GRM1: variants seen among roughly 807,000 people sequenced by gnomAD.
GRM1 encodes glutamate metabotropic receptor 1.
In GRM1, 33 loss-of-function variants were observed where a neutral mutation model predicts 90.9. The ratio of observed to expected loss-of-function variants is 0.36; its 90% CI spans 0.28 to 0.49. The LOEUF (loss-of-function observed/expected upper bound fraction) is 0.49, where lower values mean the gene tolerates loss of function less well. Ranked by LOEUF, GRM1 falls within the 20% of genes least tolerant of loss-of-function variation. GRM1 has a pLI of 0.99. For missense variants in GRM1, 1,190 were observed against 1,534.3 expected, an observed-to-expected ratio of 0.78 and a Z score of 3.75; for synonymous variants, 700 against 613.2, an observed-to-expected ratio of 1.14 and a Z score of -2.09.
intron 2 of GRM1, among the ~76,000 whole-genome samples, chr6:146,265,906 A>G (rs1265493807): frequency 3.3e-5 from 5 of 152,180 alleles, no homozygotes; most frequent in Admixed American, 6.5e-5. Flanking sequence ...AATACATATT[A>G]GAGGCTGGGA....
Position 146,270,995 on chromosome 6 carries a change from CTTCTTTCT to C in GRM1, c.951-33596_951-33589del, listed in dbSNP as rs58034716. 5.9e-4 allele frequency among the ~76,000 whole-genome samples: 70 copies of C among 118,842 alleles called. 1 individual carries two copies. The highest frequency in any genetic ancestry group is 1.5e-3 in the African/African-American group (48 of 31,426). 78.0% of individuals were successfully genotyped at this position (118,842 alleles called of 152,430 possible). A position where few individuals can be genotyped will look rare whatever the true frequency, so the allele number is the denominator to read the frequency against. On this transcript the variant is annotated intron_variant, in intron 2 of 7. Transcript: ENST00000282753. The stretch of plus-strand genomic sequence containing the variant: ...TTTTTTCTCTCTCTCTCTTTCTTTC[CTTCTTTCT>C]TTCTTTCTTTCTTTCTTTCAAGATG...
chr6:146,251,997 T>G (rs148339305), intron 2 of GRM1, among the ~76,000 whole-genome samples: 1 of 152,192 alleles, frequency 6.6e-6, no homozygotes, highest in East Asian at 1.9e-4. Flanking sequence ...CCTGACCACC[T>G]TCATAGAATT....
intron 1 of GRM1, among the ~76,000 whole-genome samples, chr6:146,073,435 T>C (rs9497451): frequency 0.014 from 2,204 of 152,298 alleles, 41 homozygotes; most frequent in African/African-American, 0.049. Context: ...ACTCTACCAC[T>C]TGTTTGCTAT....
chr6:146,343,046 C>A (rs1785039786), intron 3 of GRM1, among the ~76,000 whole-genome samples: 2 of 151,708 alleles, frequency 1.3e-5, no homozygotes, highest in African/African-American at 2.4e-5. Flanking sequence ...TTTCCTTAGG[C>A]TTCCCTGGGC....
upstream of GRM1, chr6:146,027,859 C>A (rs1485573637): frequency 6.6e-6 from 1 of 152,518 alleles, no homozygotes; most frequent in African/African-American, 2.4e-5. Context: ...GTGAAACCCA[C>A]CCACAACGGC....
chr6:146,329,938 G>A (rs1443236615), intron 3 of GRM1, among the ~76,000 whole-genome samples: 1 of 152,190 alleles, frequency 6.6e-6, no homozygotes, highest in Non-Finnish European at 1.5e-5. Context: ...TATATCTTAA[G>A]TCAAACTGTT....
chr6:146,159,675 A>G lies in GRM1; in HGVS notation c.950+78A>G, dbSNP rs563486819. ...CACATGCACACACACACTTTGAAAC[A>G]CATATGCTTGCTTTCACAAAACTAG... On this transcript the variant is annotated intron_variant, in intron 2 of 7. Coordinates refer to ENST00000282753, the MANE Select transcript of GRM1 (RefSeq NM_001278064.2). 2.4e-4 allele frequency: 342 copies of G among 1,430,064 alleles called. 1 individual carries two copies. The Middle Eastern group carries it at 3.7e-3, about 15-fold the overall frequency. The allele number at this position is 1,430,064 out of a possible 1,614,324, so 88.6% of individuals were successfully genotyped here.
intron 1 of GRM1, among the ~76,000 whole-genome samples, chr6:146,129,560 A>G (rs998154988): frequency 3.3e-5 from 5 of 152,166 alleles, no homozygotes; most frequent in African/African-American, 1.2e-4. Context: ...GCAACTTGGG[A>G]AGATGACAAG....
Position 146,109,850 on chromosome 6 carries a change from G to T in GRM1, c.701-49498G>T, listed in dbSNP as rs138805455. ...GGATGAGAGACATGGAGTCAAAGGA[G>T]ATCATTTTGGAGCTTTAAGATTTGA... On this transcript the variant is annotated intron_variant, in intron 1 of 7. Transcript: ENST00000282753. 6.6e-3 allele frequency among the ~76,000 whole-genome samples: 1,005 copies of T among 152,346 alleles called. 13 individuals are homozygous for T. Among genetic ancestry groups the T allele is most frequent in the African/African-American group, 0.022 (927 of 41,576 alleles).
chr6:146,310,683 A>G (rs984699247), intron 3 of GRM1, among the ~76,000 whole-genome samples: 13 of 152,126 alleles, frequency 8.5e-5, no homozygotes, highest in African/African-American at 3.1e-4. Context: ...ACCTACTCTC[A>G]TTTTCTTTCC....
At chr6:146,252,452 A>G (rs1171470859) in intron 2 of GRM1, among the ~76,000 whole-genome samples, 1 of 152,108 alleles carries the variant, frequency 6.6e-6, no homozygotes, top group African/African-American at 2.4e-5. Context: ...AGCCTGGCCA[A>G]CATGGTGAAA....
At chr6:146,192,421 G>T (rs1778962581) in intron 2 of GRM1, among the ~76,000 whole-genome samples, 2 of 152,082 alleles carry the variant, frequency 1.3e-5, no homozygotes, top group Non-Finnish European at 2.9e-5. Context: ...TTAGGCACTT[G>T]GCCTTATACA....
Position 146,158,772 on chromosome 6 carries a change from C to A in GRM1, c.701-576C>A, listed in dbSNP as rs190967427. On this transcript the variant is annotated intron_variant, in intron 1 of 7. Transcript: ENST00000282753. ...CAAAAATCAAAATATAAGACACAAACCTCTCATAATCCCATCACTTTGTCA... is the reference window on the plus strand; with the variant it reads ...CAAAAATCAAAATATAAGACACAAAACTCTCATAATCCCATCACTTTGTCA... Among the ~76,000 whole-genome samples, 7 of 152,270 alleles carry A rather than the reference C, an allele frequency of 4.6e-5. No individual in the cohort carries two copies. The East Asian group carries it at 1.4e-3, about 29-fold the overall frequency.
rs1583498029 is a variant in GRM1 at position 146,435,086 on chromosome 6, T to C, written c.*290T>C. 9 of 540,430 alleles carry C rather than the reference T, an allele frequency of 1.7e-5. No individual in the cohort carries two copies. In the East Asian group the frequency reaches 2.9e-4, roughly 18 times the overall value. The allele number at this position is 540,430 out of a possible 1,614,324, so 33.5% of individuals were successfully genotyped here. On this transcript the variant is annotated 3_prime_UTR_variant, in exon 8 of 8. Coordinates refer to ENST00000282753, the MANE Select transcript of GRM1 (RefSeq NM_001278064.2). ...ACAATTCCATATGGTATGTAACTTT[T>C]ATCACAAATCAAATAGTGACATCAC...
intron 1 of GRM1, among the ~76,000 whole-genome samples, chr6:146,152,724 A>G (rs772801971): frequency 3.9e-5 from 6 of 152,198 alleles, no homozygotes; most frequent in Non-Finnish European, 8.8e-5. Context: ...GGGAGAGTCA[A>G]TGTCTAACAT....
At chr6:146,419,060 G>C (rs1194690746) in intron 7 of GRM1, among the ~76,000 whole-genome samples, 1 of 152,092 alleles carries the variant, frequency 6.6e-6, no homozygotes, top group East Asian at 1.9e-4. Context: ...GATCACAGGA[G>C]AGGTACTGAG....
chr6:146,425,734 A>G (rs565123600), intron 7 of GRM1, among the ~76,000 whole-genome samples: 39 of 152,330 alleles, frequency 2.6e-4, no homozygotes, highest in African/African-American at 8.7e-4. Flanking sequence ...ATTCTTTTCT[A>G]TGACAGGCAG....
At chr6:146,122,446 T>C (rs568801918) in intron 1 of GRM1, among the ~76,000 whole-genome samples, 52 of 152,280 alleles carry the variant, frequency 3.4e-4, no homozygotes, top group African/African-American at 1.1e-3. Flanking sequence ...CTGAAGATGT[T>C]AGTGTTTCAT....
Position 146,252,997 on chromosome 6 carries a change from T to C in GRM1, c.951-51614T>C, listed in dbSNP as rs1026252674. The stretch of plus-strand genomic sequence containing the variant: ...ATCACTTGAACCCGGGAGGCAGAGG[T>C]TGCAGTGAGCTGAGATTGTGACACT... On this transcript the variant is annotated intron_variant, in intron 2 of 7. Coordinates refer to ENST00000282753, the MANE Select transcript of GRM1 (RefSeq NM_001278064.2). Among the ~76,000 whole-genome samples, 25 of 152,004 alleles carry C rather than the reference T, an allele frequency of 1.6e-4. 1 individual carries two copies. The highest frequency in any genetic ancestry group is 1.6e-3 in the Admixed American group (25 of 15,262).
Sources: gnomAD v4.1 joint callset for allele counts (sites outside exome capture counted in the v4.1 genomes callset) on GRCh38, gnomAD v4.1.1 for gene constraint, MANE v1.5 for transcripts, NCBI Gene and HGNC (gene_info 2026-07-23, HGNC 2026-07-21) for gene names.